Variants in RARB observed in about 807,000 individuals in gnomAD.
RARB encodes retinoic acid receptor beta.
In RARB, 17 loss-of-function variants were observed where a neutral mutation model predicts 51.9. The observed-to-expected ratio is 0.33, with a 90% CI of 0.22 to 0.49. RARB has a LOEUF of 0.49. RARB is among the 20% of genes least tolerant of loss of function. The pLI is 0.99. For missense variants in RARB, 369 were observed against 550.8 expected, an observed-to-expected ratio of 0.67 and a Z score of 3.30; for synonymous variants, 215 against 195.4, an observed-to-expected ratio of 1.10 and a Z score of -0.84.
intron 2 of RARB, among the ~76,000 whole-genome samples, chr3:25,469,271 A>G (rs762036693): frequency 6.6e-6 from 1 of 152,222 alleles, no homozygotes; most frequent in Non-Finnish European, 1.5e-5. Context: ...TCTATTAAAT[A>G]CTTTAAATGA....
rs544020013 is a variant in RARB, at chr3:25,334,576, G to T, written c.179-126617G>T. 9.9e-4 allele frequency among the ~76,000 whole-genome samples: 150 copies of T among 152,250 alleles called. 3 individuals are homozygous for T. In the South Asian group the frequency reaches 0.025, roughly 26 times the overall value. Reference sequence around the variant, plus strand: ...GATAGCATTAGGAGATATACCTAATGTAAATGACAAGTTATTGGATGCAGC... The same window carrying T: ...GATAGCATTAGGAGATATACCTAATTTAAATGACAAGTTATTGGATGCAGC... On this transcript the variant is annotated intron_variant, in intron 5 of 11. Transcript: ENST00000383772.
intron 4 of RARB, among the ~76,000 whole-genome samples, chr3:25,166,339 G>A (rs1315999221): frequency 6.6e-6 from 1 of 152,166 alleles, no homozygotes; most frequent in Non-Finnish European, 1.5e-5. Flanking sequence ...AAAAGCAACT[G>A]ACAGGATTTG....
chr3:25,502,069 G>A (rs1313688091), intron 3 of RARB, among the ~76,000 whole-genome samples: 1 of 152,186 alleles, frequency 6.6e-6, no homozygotes, highest in African/African-American at 2.4e-5. Flanking sequence ...GGCATAGGGA[G>A]GTCATGGGGC....
At position 24,870,501 on chromosome 3, in the gene RARB, C is replaced by T. The variant is rs371601796; in HGVS notation, c.-380+11749C>T. ...TTTTTATAAATTTATATCAACACTG[C>T]TTTGTTTAATATTTCTTTATACTAA... On this transcript the variant is annotated intron_variant, in intron 2 of 11. Transcript: ENST00000383772. Among the ~76,000 whole-genome samples, 5 of 152,118 alleles carry T rather than the reference C, an allele frequency of 3.3e-5. No homozygotes were observed. The South Asian group carries it at 6.2e-4, about 19-fold the overall frequency.
intron 3 of RARB, among the ~76,000 whole-genome samples, chr3:25,132,083 C>G (rs1373666447): frequency 6.6e-6 from 1 of 151,850 alleles, no homozygotes; most frequent in Admixed American, 6.6e-5. Context: ...ACACATTACA[C>G]CATATTGTAA....
intron 2 of RARB, among the ~76,000 whole-genome samples, chr3:25,047,026 T>A (rs927764066): frequency 1.3e-5 from 2 of 152,144 alleles, no homozygotes; most frequent in African/African-American, 4.8e-5. Flanking sequence ...TTATTTGTGG[T>A]GTATCATTGG....
chr3:25,366,073 A>G (rs959081198), intron 5 of RARB, among the ~76,000 whole-genome samples: 11 of 152,194 alleles, frequency 7.2e-5, no homozygotes, highest in African/African-American at 2.2e-4. Context: ...CTTTTTCCCT[A>G]TAGGGATGAG....
At chr3:25,293,480 C>T (rs1013557498) in intron 5 of RARB, among the ~76,000 whole-genome samples, 6 of 151,148 alleles carry the variant, frequency 4.0e-5, no homozygotes, top group South Asian at 2.1e-4. Context: ...GTATTGTTGA[C>T]GATGGGAAGA....
chr3:25,384,668 T>C (rs984769558), intron 5 of RARB, among the ~76,000 whole-genome samples: 17 of 152,218 alleles, frequency 1.1e-4, no homozygotes, highest in African/African-American at 4.1e-4. Context: ...TTTTCTCTGC[T>C]ACAAGCTCAC....
In RARB at chr3:25,227,514, C is replaced by A. The variant is rs139514161; in HGVS notation, c.178+52939C>A. On this transcript the variant is annotated intron_variant, in intron 5 of 11. Transcript: ENST00000383772. ...TTTTATTTCTCGTAATACAGATATTCTCTATATTGGTACATAAAATTCCTC... is the reference window on the plus strand; with the variant it reads ...TTTTATTTCTCGTAATACAGATATTATCTATATTGGTACATAAAATTCCTC... Among the ~76,000 whole-genome samples the A allele has an allele frequency of 6.1e-3, 922 of 152,054 alleles. 11 individuals are homozygous for A. Among genetic ancestry groups the A allele is most frequent in the African/African-American group, 0.018 (748 of 41,468 alleles).
At chr3:25,061,499 T>G (rs1698548190) in intron 3 of RARB, among the ~76,000 whole-genome samples, 1 of 151,898 alleles carries the variant, frequency 6.6e-6, no homozygotes, top group Admixed American at 6.6e-5. Flanking sequence ...TAATGTATTT[T>G]TTATGACTTT....
chr3:25,198,941 G>A (rs532316355), intron 5 of RARB, among the ~76,000 whole-genome samples: 2 of 152,052 alleles, frequency 1.3e-5, no homozygotes, highest in South Asian at 2.1e-4. Context: ...CTGCTTTTTG[G>A]TATATACCCC....
intron 1 of RARB, among the ~76,000 whole-genome samples, chr3:25,455,275 A>AT (rs1694848936): frequency 6.6e-6 from 1 of 152,012 alleles, no homozygotes; most frequent in South Asian, 2.1e-4. Context: ...CTTAACTCCT[A>AT]TTTCCTGGAG....
intron 1 of RARB, chr3:25,441,389 GA>G (rs1226271320): frequency 4.1e-6 from 1 of 243,918 alleles, no homozygotes; most frequent in Non-Finnish European, 8.6e-6. Context: ...TAATTTCACG[GA>G]GTACCCCAGT....
chr3:25,398,458 C>T (rs1393586289), intron 5 of RARB, among the ~76,000 whole-genome samples: 2 of 152,158 alleles, frequency 1.3e-5, no homozygotes, highest in East Asian at 1.9e-4. Flanking sequence ...AAAAGATGTG[C>T]CCAACTTTAC....
chr3:25,425,411 T>G (rs181461783), upstream of RARB, among the ~76,000 whole-genome samples: 844 of 152,316 alleles, frequency 5.5e-3, no homozygotes, highest in Admixed American at 0.012. Flanking sequence ...GGCTAAATCA[T>G]GGGTCTGTTT....
At chr3:25,345,664 CAAAAAAA>C (rs71061207) in intron 5 of RARB, among the ~76,000 whole-genome samples, 6,057 of 96,512 alleles carry the variant, frequency 0.063, 137 homozygotes, top group Middle Eastern at 0.097. Context: ...GACTCCGTCT[CAAAAAAA>C]AAAAAAAAAA....
At chr3:25,265,344 AATAC>A (rs1251776312) in intron 5 of RARB, among the ~76,000 whole-genome samples, 1 of 152,218 alleles carries the variant, frequency 6.6e-6, no homozygotes. Context: ...GATGTTGATA[AATAC>A]ATACATAATT....
intron 2 of RARB, among the ~76,000 whole-genome samples, chr3:25,462,747 T>C (rs1218874787): frequency 6.6e-6 from 1 of 152,214 alleles, no homozygotes; most frequent in Non-Finnish European, 1.5e-5. Flanking sequence ...GGTTAGCTAG[T>C]TGGCTCTGCT....
Sources: gnomAD v4.1 joint callset for allele counts (sites outside exome capture counted in the v4.1 genomes callset) on GRCh38, gnomAD v4.1.1 for gene constraint, MANE v1.5 for transcripts, NCBI Gene and HGNC (gene_info 2026-07-23, HGNC 2026-07-21) for gene names.